The following PDZRN3 variants were observed in gnomAD, a reference collection of about 807,000 sequenced individuals.
PDZRN3 encodes the protein PDZ domain containing ring finger 3.
PDZRN3 carries 38 observed loss-of-function variants against 85.7 expected under a neutral mutation model. That is an observed-to-expected ratio of 0.44 (90% CI 0.34 to 0.58). The LOEUF (loss-of-function observed/expected upper bound fraction) is 0.58, where lower values mean the gene tolerates loss of function less well. PDZRN3 is among the 20% of genes least tolerant of loss of function. The pLI, the probability that PDZRN3 is intolerant of heterozygous loss-of-function variation, is 0.01. For synonymous variants in PDZRN3, 759 were observed against 638.0 expected (o/e 1.19, Z -2.86); for missense variants, 1,629 against 1,506.4 (o/e 1.08, Z -1.35).
chr3:73,514,415 A>G (rs1268818947), intron 3 of PDZRN3, among the ~76,000 whole-genome samples: 1 of 152,208 alleles, frequency 6.6e-6, no homozygotes, highest in Non-Finnish European at 1.5e-5. Context: ...AAAGTTAATG[A>G]TAAAAGGGCT....
intron 3 of PDZRN3, among the ~76,000 whole-genome samples, chr3:73,553,574 T>C (rs1355561918): frequency 2.8e-5 from 3 of 107,296 alleles, no homozygotes; most frequent in Non-Finnish European, 6.3e-5. Context: ...TAAGACTCCA[T>C]CTAAAAAAAA....
chr3:73,503,056 T>C (rs1267109920), intron 3 of PDZRN3, among the ~76,000 whole-genome samples: 1 of 152,228 alleles, frequency 6.6e-6, no homozygotes, highest in Non-Finnish European at 1.5e-5. Flanking sequence ...TGGATAGTAG[T>C]TTTGTTGTTT....
chr3:73,448,640 A>C (rs973631137), intron 3 of PDZRN3, among the ~76,000 whole-genome samples: 1 of 152,140 alleles, frequency 6.6e-6, no homozygotes, highest in Non-Finnish European at 1.5e-5. Context: ...TGTAAACTTT[A>C]TTTAATAGAA....
intron 3 of PDZRN3, among the ~76,000 whole-genome samples, chr3:73,416,886 T>TTG (rs1702098550): frequency 2.2e-5 from 3 of 137,544 alleles, no homozygotes; most frequent in African/African-American, 8.4e-5. Context: ...GTTTTTTTTT[T>TTG]TTTTTTTTTT....
chr3:73,526,097 T>G (rs1022058756), intron 3 of PDZRN3, among the ~76,000 whole-genome samples: 1 of 152,208 alleles, frequency 6.6e-6, no homozygotes, highest in African/African-American at 2.4e-5. Flanking sequence ...GGCGGTAGTT[T>G]CTTCATCTTA....
chr3:73,517,047 C>A (rs142010130), intron 3 of PDZRN3, among the ~76,000 whole-genome samples: 1 of 152,312 alleles, frequency 6.6e-6, no homozygotes, highest in East Asian at 1.9e-4. Context: ...ATACAAAGTG[C>A]TTATTTCACT....
chr3:73,609,566 A>C (rs780110392), intron 1 of PDZRN3, among the ~76,000 whole-genome samples: 20 of 152,342 alleles, frequency 1.3e-4, no homozygotes, highest in Non-Finnish European at 2.1e-4. Flanking sequence ...GATGATATGC[A>C]AAACATCACA....
At chr3:73,619,947 A>C (rs2106919048) in intron 1 of PDZRN3, among the ~76,000 whole-genome samples, 1 of 152,376 alleles carries the variant, frequency 6.6e-6, no homozygotes, top group Non-Finnish European at 1.5e-5. Context: ...TTTGCCCCTC[A>C]AGGGACGTTT....
intron 3 of PDZRN3, among the ~76,000 whole-genome samples, chr3:73,510,147 A>G (rs1704137421): frequency 6.6e-6 from 1 of 152,230 alleles, no homozygotes; most frequent in Non-Finnish European, 1.5e-5. Context: ...TAAACTACTT[A>G]GCTTGAGGAT....
chr3:73,394,120 C>T (rs1476444788), intron 5 of PDZRN3, among the ~76,000 whole-genome samples: 3 of 152,024 alleles, frequency 2.0e-5, no homozygotes, highest in African/African-American at 7.2e-5. Flanking sequence ...ATATTCAAAA[C>T]ATTTATTGCT....
chr3:73,435,094 T>C (rs1284733598), intron 3 of PDZRN3, among the ~76,000 whole-genome samples: 3 of 152,234 alleles, frequency 2.0e-5, no homozygotes, highest in Admixed American at 1.3e-4. Context: ...TGCTGAGACG[T>C]GCCATGGGGC....
rs1029030395 is a variant in PDZRN3, at chr3:73,385,356, T to C, written c.1635+313A>G. 3.9e-5 allele frequency among the ~76,000 whole-genome samples: 6 copies of C among 152,212 alleles called. No homozygotes were observed. The East Asian group carries it at 9.6e-4, about 24-fold the overall frequency. The stretch of plus-strand genomic sequence containing the variant: ...AGCAGCTCCTGTTAAACAGAGGGGA[T>C]TGCTTTACTTTGGAAAACATGGCTT... On this transcript the variant is annotated intron_variant, in intron 9 of 9. Transcript: ENST00000263666.
chr3:73,457,563 C>T (rs1703011255), intron 3 of PDZRN3, among the ~76,000 whole-genome samples: 1 of 152,120 alleles, frequency 6.6e-6, no homozygotes, highest in African/African-American at 2.4e-5. Flanking sequence ...GATTCCCTTA[C>T]CTCTTCCTCG....
At chr3:73,548,040 G>A (rs1575727684) in intron 3 of PDZRN3, among the ~76,000 whole-genome samples, 1 of 152,190 alleles carries the variant, frequency 6.6e-6, no homozygotes, top group East Asian at 1.9e-4. Flanking sequence ...AAGAGGTTGT[G>A]GAGTGCTTGC....
At chr3:73,443,525 G>A (rs1387669409) in intron 3 of PDZRN3, among the ~76,000 whole-genome samples, 8 of 129,434 alleles carry the variant, frequency 6.2e-5, no homozygotes, top group African/African-American at 2.4e-4. Context: ...TTGCTTTGTC[G>A]CCCAGGCTGG....
chr3:73,600,337 A>ACACACACACACACTCTCTCT (rs34405662), intron 3 of PDZRN3, among the ~76,000 whole-genome samples: 9 of 100,050 alleles, frequency 9.0e-5, no homozygotes, highest in East Asian at 6.1e-4. Flanking sequence ...ACACACACAC[A>ACACACACACACACTCTCTCT]CTCTCTCTCT....
chr3:73,384,031 C>G lies in PDZRN3; in HGVS notation c.2535G>C (p.Gly845=). 6.3e-7 allele frequency: 1 copy of G among 1,594,404 alleles called. No individual in the cohort carries two copies. Among genetic ancestry groups the G allele is most frequent in the Non-Finnish European group, 8.5e-7 (1 of 1,171,524 alleles). The change falls in exon 10 of 10, where the codon GGG becomes GGC. Residue 845 remains glycine (G), a synonymous_variant. Transcript: ENST00000263666. ...TCTGGCTGGGCGTGGGGCTCCGGCT[C>G]CCGTCGCTGGCTCTCCGCTCTTTGC... is the stretch of plus-strand genomic sequence containing the variant. The part of the protein sequence containing the change: ...LESKERRASD[G]SRSPTPSQKL...
rs145014959 is a variant in PDZRN3, at chr3:73,602,408, G to A, written c.864C>T (p.Asp288=). The part of the protein sequence containing the change: ...SEGIFVSKIV[D]SGPAAKEGGL... ...CTCCTTCCTTGGCTGCAGGCCCACT[G>A]TCAACTATCTTGGATACAAAGATTC... The change falls in exon 3 of 10, where the codon GAC becomes GAT. Residue 288 remains aspartate (D), a synonymous_variant. Transcript: ENST00000263666. 5.6e-5 allele frequency: 90 copies of A among 1,611,940 alleles called. No homozygotes were observed. In the East Asian group the frequency reaches 1.6e-3, roughly 29 times the overall value.
chr3:73,529,968 A>G (rs568663702), intron 3 of PDZRN3, among the ~76,000 whole-genome samples: 1 of 152,246 alleles, frequency 6.6e-6, no homozygotes, highest in Non-Finnish European at 1.5e-5. Context: ...TCAGAACAGT[A>G]CCGGGCAAGT....
Sources: gnomAD v4.1 joint callset for allele counts (sites outside exome capture counted in the v4.1 genomes callset) on GRCh38, gnomAD v4.1.1 for gene constraint, MANE v1.5 for transcripts, NCBI Gene and HGNC (gene_info 2026-07-23, HGNC 2026-07-21) for gene names.